Variants in UGGT2 observed in about 807,000 individuals in gnomAD.
UGGT2 encodes the protein UDP-glucose:glycoprotein glucosyltransferase 2.
A neutral mutation model predicts 192.1 loss-of-function variants in UGGT2; 180 were observed. The observed-to-expected ratio is 0.94, with a 90% CI of 0.83 to 1.06. The LOEUF is 1.06. Among genes scored for constraint, UGGT2 ranks in the 50% least tolerant of loss-of-function variants. The pLI, the probability that UGGT2 is intolerant of heterozygous loss-of-function variation, is 0.00. For synonymous variants in UGGT2, 580 were observed against 591.0 expected, an observed-to-expected ratio of 0.98 and a Z score of 0.27; for missense variants, 1,849 against 1,795.7, an observed-to-expected ratio of 1.03 and a Z score of -0.54.
intron 12 of UGGT2, among the ~76,000 whole-genome samples, chr13:95,966,664 A>C (rs2050589843): frequency 6.6e-6 from 1 of 152,326 alleles, no homozygotes; most frequent in South Asian, 2.1e-4. Flanking sequence ...TATCACATGA[A>C]TCTCATAAAT....
chr13:95,928,395 G>A lies in UGGT2; in HGVS notation c.1978-1059C>T, dbSNP rs1015228696. 2.5e-4 allele frequency among the ~76,000 whole-genome samples: 22 copies of A among 87,450 alleles called. No homozygotes were observed. In the East Asian group the frequency reaches 6.4e-3, roughly 25 times the overall value. The allele number at this position is 87,450 out of a possible 152,430, so 57.4% of individuals were successfully genotyped here. ...CGGGCGGAGACGCTCCTCACTTCCC[G>A]GACGGGGCGGCTGCCGGGCGGAGGG... On this transcript the variant is annotated intron_variant, in intron 17 of 38. Transcript: ENST00000376747.
intron 5 of UGGT2, among the ~76,000 whole-genome samples, chr13:96,000,255 G>C (rs997099576): frequency 1.3e-5 from 2 of 152,184 alleles, no homozygotes; most frequent in Non-Finnish European, 2.9e-5. Context: ...GTAGAGATTG[G>C]AGGGAAGGAG....
At chr13:95,837,268 G>T in intron 36 of UGGT2, 66 bp from the exon 37 acceptor site, 1 of 1,064,182 alleles carries the variant, frequency 9.4e-7, no homozygotes, top group Non-Finnish European at 1.5e-6. Flanking sequence ...GAAGCTGAAT[G>T]AAGTAAGACA....
chr13:95,890,748 CTA>C lies in UGGT2; in HGVS notation c.2958+112_2958+113del, dbSNP rs1187180484. On this transcript the variant is annotated intron_variant, in intron 25 of 38. Coordinates refer to ENST00000376747, the MANE Select transcript of UGGT2 (RefSeq NM_020121.4). The stretch of plus-strand genomic sequence containing the variant: ...ATTTTCTACATTGAAATATGACACT[CTA>C]TTAAAATGGTGAAGGATCAAGAGCA... The C allele has an allele frequency of 1.9e-5, 15 of 773,318 alleles. No individual in the cohort carries two copies. In the South Asian group the frequency reaches 2.3e-4, roughly 12 times the overall value. 47.9% of individuals were successfully genotyped at this position (773,318 alleles called of 1,614,324 possible).
intron 6 of UGGT2, 94 bp from the exon 7 acceptor site, chr13:95,996,229 C>T (rs745411566): frequency 1.6e-5 from 18 of 1,133,896 alleles, no homozygotes; most frequent in Admixed American, 5.8e-5. Context: ...TGGCCAGGTG[C>T]GGCAGCTCAT....
chr13:95,802,809 C>A (rs1884119846), intron 38 of UGGT2, among the ~76,000 whole-genome samples: 1 of 145,262 alleles, frequency 6.9e-6, no homozygotes, highest in African/African-American at 2.6e-5. Context: ...TATTAGCTAT[C>A]CTTTTTTGTT....
At chr13:95,927,474 T>A in intron 17 of UGGT2, 138 bp from the exon 18 acceptor site, 1 of 719,978 alleles carries the variant, frequency 1.4e-6, no homozygotes, top group Non-Finnish European at 2.0e-6. Context: ...TTCTTTCTTT[T>A]TTTTTTTTTT....
In UGGT2 at chr13:95,837,164, C is replaced by G. The variant is rs1887381155; in HGVS notation, c.4323G>C (p.Lys1441Asn). ...PNNMIYQVAIKSLPQDWLWCE... is the reference protein window; with the variant it reads ...PNNMIYQVAINSLPQDWLWCE... ...ACCACAGCCAGTCTTGAGGAAGAGA[C>G]TTAATGGCGACTTGGTAAATCATAT... Residue 1441 changes from lysine to asparagine, a missense_variant, in exon 37 of 39, where the codon AAG becomes AAC. Lys to Asn is a moderately conservative substitution (Grantham distance 94). Transcript: ENST00000376747. 8.1e-6 allele frequency: 13 copies of G among 1,614,000 alleles called. No individual in the cohort carries two copies. The highest frequency in any genetic ancestry group is 1.1e-5 in the Non-Finnish European group (13 of 1,179,958).
intron 17 of UGGT2, among the ~76,000 whole-genome samples, chr13:95,935,403 T>G (rs2049430287): frequency 6.6e-6 from 1 of 152,204 alleles, no homozygotes; most frequent in Non-Finnish European, 1.5e-5. Context: ...CTGGGAAAGA[T>G]TTTACTTCTC....
chr13:96,029,321 CTG>C (rs2052760589), intron 2 of UGGT2, among the ~76,000 whole-genome samples: 1 of 152,062 alleles, frequency 6.6e-6, no homozygotes, highest in Non-Finnish European at 1.5e-5. Flanking sequence ...GAGTCTCACT[CTG>C]TTGCCCAGAC....
intron 24 of UGGT2, among the ~76,000 whole-genome samples, chr13:95,893,114 C>T (rs534920105): frequency 6.6e-6 from 1 of 152,162 alleles, no homozygotes; most frequent in African/African-American, 2.4e-5. Context: ...TTCCAGATTT[C>T]AATATACTCC....
At position 95,990,438 on chromosome 13, in the gene UGGT2, A is replaced by C. The variant is rs193217064; in HGVS notation, c.831-365T>G. 906 of 152,910 alleles carry C rather than the reference A, an allele frequency of 5.9e-3. 9 individuals are homozygous for C. Among genetic ancestry groups the C allele is most frequent in the Middle Eastern group, 0.048 (14 of 294 alleles). The allele number at this position is 152,910 out of a possible 1,614,324, so 9.5% of individuals were successfully genotyped here. On this transcript the variant is annotated intron_variant, in intron 7 of 38. Coordinates refer to ENST00000376747, the MANE Select transcript of UGGT2 (RefSeq NM_020121.4). ...TTTATAATTGAAAATAAAAACTATA[A>C]GGAAAGTCAAAAATGCCTCATACAA...
At chr13:95,984,284 A>G (rs2051221782) in intron 9 of UGGT2, among the ~76,000 whole-genome samples, 1 of 152,184 alleles carries the variant, frequency 6.6e-6, no homozygotes. Flanking sequence ...AAAAACTGAA[A>G]TCATGGCTTT....
chr13:95,862,855 A>G (rs188161021), intron 31 of UGGT2, among the ~76,000 whole-genome samples: 1 of 152,182 alleles, frequency 6.6e-6, no homozygotes, highest in Admixed American at 6.6e-5. Flanking sequence ...CTGAGACAAT[A>G]TATTCCTTAT....
intron 4 of UGGT2, among the ~76,000 whole-genome samples, chr13:96,014,807 A>C (rs937749397): frequency 6.6e-6 from 1 of 152,202 alleles, no homozygotes; most frequent in African/African-American, 2.4e-5. Flanking sequence ...ATTCTCATAA[A>C]TTTTAACTGA....
intron 38 of UGGT2, among the ~76,000 whole-genome samples, chr13:95,811,660 T>C (rs1242178903): frequency 1.3e-5 from 2 of 152,022 alleles, no homozygotes; most frequent in Non-Finnish European, 2.9e-5. Context: ...AAAATGCAAA[T>C]AGAAACAATG....
chr13:95,914,640 AAAAAAAAAAAT>A, intron 20 of UGGT2, among the ~76,000 whole-genome samples: 1 of 107,584 alleles, frequency 9.3e-6, no homozygotes, highest in African/African-American at 3.5e-5. Context: ...AAAAAAAAAA[AAAAAAAAAAAT>A]TAGCTGGGCG....
chr13:95,820,401 T>C (rs1450905581), intron 38 of UGGT2, among the ~76,000 whole-genome samples: 1 of 152,076 alleles, frequency 6.6e-6, no homozygotes, highest in African/African-American at 2.4e-5. Flanking sequence ...AAAAAAGGAA[T>C]ACAAAGCTCC....
chr13:95,981,620 A>G (rs2051128630), intron 10 of UGGT2, among the ~76,000 whole-genome samples: 1 of 152,318 alleles, frequency 6.6e-6, no homozygotes, highest in South Asian at 2.1e-4. Flanking sequence ...GAGAAGAAGA[A>G]GAAAAAAAGA....
Sources: allele counts gnomAD v4.1 joint callset (sites outside exome capture counted in the v4.1 genomes callset), GRCh38; gene constraint gnomAD v4.1.1; transcripts MANE v1.5; gene names NCBI Gene and HGNC (gene_info 2026-07-23, HGNC 2026-07-21).